The following SMARCA2 variants were observed in gnomAD, a reference collection of about 807,000 sequenced individuals.
SMARCA2 encodes SWI/SNF-related matrix-associated actin-dependent regulator of chromatin subfamily A member 2.
In SMARCA2, 61 loss-of-function variants were observed where a neutral mutation model predicts 199.8. That is an observed-to-expected ratio of 0.31 (90% CI 0.25 to 0.38). The LOEUF (loss-of-function observed/expected upper bound fraction) is 0.38. Among genes scored for constraint, SMARCA2 ranks in the 10% least tolerant of loss-of-function variants. The pLI is 1.00. For missense variants in SMARCA2, 1,344 were observed against 2,012.2 expected (o/e 0.67, Z 6.35); for synonymous variants, 935 against 732.0 (o/e 1.28, Z -4.48).
At chr9:2,158,952 T>A in intron 27 of SMARCA2, 1 of 1,612,270 alleles carries the variant, frequency 6.2e-7, no homozygotes, top group Non-Finnish European at 8.5e-7. Context: ...CATTCCTGCA[T>A]AAAACCTTAG....
chr9:2,057,346 C>T (rs1341479925), intron 7 of SMARCA2, among the ~76,000 whole-genome samples: 3 of 152,194 alleles, frequency 2.0e-5, no homozygotes, highest in African/African-American at 7.2e-5. Context: ...AAGGGCTCTA[C>T]CCTCATGACC....
At chr9:2,093,285 T>C (rs1415008975) in intron 19 of SMARCA2, among the ~76,000 whole-genome samples, 1 of 152,238 alleles carries the variant, frequency 6.6e-6, no homozygotes, top group Admixed American at 6.5e-5. Context: ...TTATTAGTAA[T>C]CCATTGGGTG....
At chr9:2,102,687 A>C (rs1210308732) in intron 22 of SMARCA2, among the ~76,000 whole-genome samples, 3 of 152,014 alleles carry the variant, frequency 2.0e-5, no homozygotes, top group African/African-American at 7.2e-5. Context: ...CATACTCCCA[A>C]CGTGTTTTTG....
intron 27 of SMARCA2, among the ~76,000 whole-genome samples, chr9:2,124,215 A>G (rs1351978973): frequency 1.3e-5 from 2 of 152,270 alleles, no homozygotes; most frequent in African/African-American, 4.8e-5. Flanking sequence ...GCACAGGATT[A>G]TGAGAGCTGT....
chr9:2,033,763 G>A (rs113605155), intron 3 of SMARCA2, among the ~76,000 whole-genome samples: 6 of 152,296 alleles, frequency 3.9e-5, no homozygotes, highest in African/African-American at 1.4e-4. Flanking sequence ...GTTTCTGGTG[G>A]TTGCCAGCAA....
intron 27 of SMARCA2, among the ~76,000 whole-genome samples, chr9:2,128,299 A>G (rs1282607088): frequency 3.3e-5 from 5 of 152,126 alleles, no homozygotes; most frequent in Non-Finnish European, 7.4e-5. Flanking sequence ...GTTTCATCTC[A>G]TTCTTTTAGA....
At chr9:2,025,767 G>C (rs1818803239) in intron 1 of SMARCA2, among the ~76,000 whole-genome samples, 1 of 152,184 alleles carries the variant, frequency 6.6e-6, no homozygotes, top group African/African-American at 2.4e-5. Context: ...CTGTGGGAAA[G>C]TTTAATTACA....
Position 2,096,993 on chromosome 9 carries a change from T to C in SMARCA2, c.2991+229T>C, listed in dbSNP as rs149763268. The C allele has an allele frequency of 3.4e-4, 184 of 539,410 alleles. No individual in the cohort carries two copies. In the East Asian group the frequency reaches 5.8e-3, roughly 17 times the overall value. The allele number at this position is 539,410 out of a possible 1,614,324, so 33.4% of individuals were successfully genotyped here. A position where few individuals can be genotyped will look rare whatever the true frequency, so the allele number is the denominator to read the frequency against. On this transcript the variant is annotated intron_variant, in intron 20 of 33. Transcript: ENST00000349721. ...ATATTACCAAAATAGTTAGCTCTGC[T>C]TATGTCAATTTTGCAGCAAATATAT...
In SMARCA2 at chr9:2,084,145, C is replaced by T; in HGVS notation, c.2475C>T (p.Val825=). The T allele has an allele frequency of 6.2e-7, 1 of 1,611,898 alleles. No individual in the cohort carries two copies. The highest frequency in any genetic ancestry group is 8.5e-7 in the Non-Finnish European group (1 of 1,178,122). The change falls in exon 17 of 34, where the codon GTC becomes GTT. Residue 825 remains valine, a synonymous_variant. Coordinates refer to ENST00000349721, the MANE Select transcript of SMARCA2 (RefSeq NM_003070.5). ...VPQLRSGKFN[V]LLTTYEYIIK... ...AGCTACGGAGTGGCAAATTCAATGT[C>T]CTCTTGACTACTTATGAGTATATTA...
intron 7 of SMARCA2, chr9:2,058,033 T>G (rs1430423174): frequency 3.3e-6 from 1 of 300,912 alleles, no homozygotes; most frequent in East Asian, 5.6e-5. Flanking sequence ...CATTCTCATG[T>G]GGCCACACCC....
At chr9:2,181,382 T>C in intron 29 of SMARCA2, 189 bp from the exon 30 acceptor site, 1 of 492,738 alleles carries the variant, frequency 2.0e-6, no homozygotes, top group South Asian at 2.4e-5. Flanking sequence ...TATTTTACTG[T>C]GATCTTAAAA....
intron 10 of SMARCA2, among the ~76,000 whole-genome samples, chr9:2,070,838 T>G (rs1400460068): frequency 1.3e-5 from 2 of 152,226 alleles, no homozygotes; most frequent in Non-Finnish European, 2.9e-5. Context: ...TTTCTCTAGT[T>G]TATTATTAAT....
chr9:2,090,598 C>T (rs1318179675), intron 19 of SMARCA2, among the ~76,000 whole-genome samples: 1 of 152,208 alleles, frequency 6.6e-6, no homozygotes, highest in East Asian at 1.9e-4. Context: ...ATGCCAGGCA[C>T]ATGGTGGGCA....
At chr9:2,171,452 G>A (rs1335408221) in intron 29 of SMARCA2, among the ~76,000 whole-genome samples, 1 of 152,246 alleles carries the variant, frequency 6.6e-6, no homozygotes, top group East Asian at 1.9e-4. Flanking sequence ...AAAAACTAGT[G>A]GTGATTTATA....
At position 2,148,562 on chromosome 9, in the gene SMARCA2, A is replaced by T. The variant is rs1461645662; in HGVS notation, c.3982-13124A>T. On this transcript the variant is annotated intron_variant, in intron 27 of 33. Transcript: ENST00000349721. ...ATGTGCAGGTTTGTTACATATCTAT[A>T]CATGTGCCATGTTGGTGTGCTGCAC... 2.0e-5 allele frequency among the ~76,000 whole-genome samples: 3 copies of T among 151,484 alleles called. 1 individual carries two copies. Among genetic ancestry groups the T allele is most frequent in the Non-Finnish European group, 4.4e-5 (3 of 67,688 alleles).
rs1348747497 is a variant in SMARCA2, at chr9:2,056,572, C to T, written c.1174-100C>T. ...TGATTGAGAAGCTTGTGGAGATTCCCCGCCCCACTCTATTCCATTAAATGC... is the reference window on the plus strand; with the variant it reads ...TGATTGAGAAGCTTGTGGAGATTCCTCGCCCCACTCTATTCCATTAAATGC... On this transcript the variant is annotated intron_variant, in intron 6 of 33. Coordinates refer to ENST00000349721, the MANE Select transcript of SMARCA2 (RefSeq NM_003070.5). The surrounding 1 kb of genome is among the most constrained non-coding windows in gnomAD (Gnocchi z 4.0). 21 of 1,047,726 alleles carry T rather than the reference C, an allele frequency of 2.0e-5. No homozygotes were observed. The highest frequency in any genetic ancestry group is 2.9e-5 in the Non-Finnish European group (21 of 735,088). 64.9% of individuals were successfully genotyped at this position (1,047,726 alleles called of 1,614,324 possible).
At chr9:2,101,720 C>T in intron 22 of SMARCA2, 104 bp downstream of exon 22, 2 of 587,298 alleles carry the variant, frequency 3.4e-6, no homozygotes, top group Non-Finnish European at 6.1e-6. Flanking sequence ...TACTTCCAGC[C>T]CTCTAAGGGC....
intron 27 of SMARCA2, among the ~76,000 whole-genome samples, chr9:2,144,342 A>C (rs1298581527): frequency 6.6e-6 from 1 of 152,106 alleles, no homozygotes; most frequent in East Asian, 1.9e-4. Flanking sequence ...CCAGATGAGG[A>C]AATTCCAGAG....
chr9:2,032,190 G>A (rs1819100482), intron 2 of SMARCA2, among the ~76,000 whole-genome samples: 1 of 152,192 alleles, frequency 6.6e-6, no homozygotes, highest in Non-Finnish European at 1.5e-5. Context: ...TTTGAAAATT[G>A]CTATTACAGT....
Sources: gnomAD v4.1 joint callset for allele counts (sites outside exome capture counted in the v4.1 genomes callset) on GRCh38, gnomAD v4.1.1 for gene constraint, Gnocchi (gnomAD v3.1) non-coding constraint, MANE v1.5 for transcripts, NCBI Gene and HGNC (gene_info 2026-07-23, HGNC 2026-07-21) for gene names.